RASAL2: variants seen among roughly 807,000 people sequenced by gnomAD.
The protein encoded by RASAL2 is ras GTPase-activating protein nGAP.
RASAL2 carries 58 observed loss-of-function variants against 128.9 expected under a neutral mutation model. That is an observed-to-expected ratio of 0.45 (90% CI 0.36 to 0.56). The LOEUF (loss-of-function observed/expected upper bound fraction) is 0.56. Among genes scored for constraint, RASAL2 ranks in the 20% least tolerant of loss-of-function variants. The pLI, the probability that RASAL2 is intolerant of heterozygous loss-of-function variation, is 0.00. For synonymous variants in RASAL2, 561 were observed against 580.8 expected, an observed-to-expected ratio of 0.97 and a Z score of 0.49; for missense variants, 1,360 against 1,601.6, an observed-to-expected ratio of 0.85 and a Z score of 2.57.
At chr1:178,337,220 A>G (rs1371999342) in intron 3 of RASAL2, among the ~76,000 whole-genome samples, 1 of 152,218 alleles carries the variant, frequency 6.6e-6, no homozygotes, top group Non-Finnish European at 1.5e-5. Flanking sequence ...AAACACTTGT[A>G]AGTACTTTGC....
intron 4 of RASAL2, chr1:178,411,845 A>G: frequency 1.3e-6 from 1 of 754,676 alleles, no homozygotes; most frequent in South Asian, 1.4e-5. Context: ...CTACACGTCA[A>G]ACTCTGGGCC....
intron 5 of RASAL2, among the ~76,000 whole-genome samples, chr1:178,428,056 TTA>T (rs993488629): frequency 6.6e-5 from 10 of 152,002 alleles, no homozygotes; most frequent in African/African-American, 2.4e-4. Flanking sequence ...TTTTTTTTTT[TTA>T]CACTAAACAT....
Position 178,465,828 on chromosome 1 carries a change from A to AAAG in RASAL2, c.3388-90_3388-89insGAA, listed in dbSNP as rs1558013104. On this transcript the variant is annotated intron_variant, in intron 15 of 17. Transcript: ENST00000367649. ...AAAAAAAAGAAAAAAGAAAAAGAAA[A>AAAG]AAAGAAAGAAAGAGAAAGAAAGAAA... 16 of 1,193,138 alleles carry AAAG rather than the reference A, an allele frequency of 1.3e-5. No individual in the cohort carries two copies. In the African/African-American group the frequency reaches 2.3e-4, roughly 17 times the overall value. 73.9% of individuals were successfully genotyped at this position (1,193,138 alleles called of 1,614,324 possible).
At chr1:178,295,062 T>A (rs1369314666) in intron 2 of RASAL2, among the ~76,000 whole-genome samples, 1 of 151,930 alleles carries the variant, frequency 6.6e-6, no homozygotes, top group Non-Finnish European at 1.5e-5. Context: ...TACCTCAAAG[T>A]TGTGGAAATT....
intron 1 of RASAL2, among the ~76,000 whole-genome samples, chr1:178,150,650 CTGTT>C (rs763968706): frequency 1.3e-5 from 2 of 152,092 alleles, no homozygotes; most frequent in African/African-American, 2.4e-5. Context: ...GTGGGATTAT[CTGTT>C]TGTATATTCG....
intron 1 of RASAL2, among the ~76,000 whole-genome samples, chr1:178,147,816 T>G (rs1660782899): frequency 6.6e-6 from 1 of 152,150 alleles, no homozygotes; most frequent in Non-Finnish European, 1.5e-5. Flanking sequence ...ACACCTGTAA[T>G]CCCAGCACTT....
Position 178,473,396 on chromosome 1 carries a change from C to T in RASAL2, c.*157C>T. 1.1e-6 allele frequency: 1 copy of T among 917,246 alleles called. No homozygotes were observed. Among genetic ancestry groups the T allele is most frequent in the South Asian group, 1.7e-5 (1 of 58,008 alleles). 56.8% of individuals were successfully genotyped at this position (917,246 alleles called of 1,614,324 possible). A position where few individuals can be genotyped will look rare whatever the true frequency, so the allele number is the denominator to read the frequency against. Reference sequence around the variant, plus strand: ...AAGAAAGGAACCTTGTCTTTCAGGGCATAAGGCGGCGACTTCCAAGGTCAA... The same window carrying T: ...AAGAAAGGAACCTTGTCTTTCAGGGTATAAGGCGGCGACTTCCAAGGTCAA... On this transcript the variant is annotated 3_prime_UTR_variant, in exon 18 of 18. Coordinates refer to ENST00000367649, the MANE Select transcript of RASAL2 (RefSeq NM_170692.4).
Position 178,454,719 on chromosome 1 carries a change from G to A in RASAL2, c.2211+71G>A, listed in dbSNP as rs1263846226. 24 of 1,335,198 alleles carry A rather than the reference G, an allele frequency of 1.8e-5. No homozygotes were observed. In the Middle Eastern group the frequency reaches 3.1e-3, roughly 173 times the overall value. 82.7% of individuals were successfully genotyped at this position (1,335,198 alleles called of 1,614,324 possible). On this transcript the variant is annotated intron_variant, in intron 12 of 17. Transcript: ENST00000367649. Reference sequence around the variant, plus strand: ...TCTGGAAAGTAACTATAGAGTGATAGCACTCACTCTTTCTGCTAATTGAAA... The same window carrying A: ...TCTGGAAAGTAACTATAGAGTGATAACACTCACTCTTTCTGCTAATTGAAA...
chr1:178,156,481 A>G (rs1225066805), intron 1 of RASAL2, among the ~76,000 whole-genome samples: 1 of 152,180 alleles, frequency 6.6e-6, no homozygotes, highest in African/African-American at 2.4e-5. Context: ...GGTTGTTATA[A>G]TAGTAAGTTA....
At chr1:178,245,968 A>C (rs1325556714) in intron 1 of RASAL2, among the ~76,000 whole-genome samples, 2 of 152,168 alleles carry the variant, frequency 1.3e-5, no homozygotes, top group African/African-American at 4.8e-5. Flanking sequence ...TGGTTACTGT[A>C]GCCTTGTAGT....
chr1:178,332,333 C>G (rs1669361933), intron 3 of RASAL2, among the ~76,000 whole-genome samples: 1 of 151,874 alleles, frequency 6.6e-6, no homozygotes, highest in African/African-American at 2.4e-5. Context: ...AAAACCTCGT[C>G]TCTACTAAAA....
At chr1:178,266,701 G>T (rs184601262) in intron 1 of RASAL2, among the ~76,000 whole-genome samples, 4 of 152,312 alleles carry the variant, frequency 2.6e-5, no homozygotes, top group Non-Finnish European at 4.4e-5. Flanking sequence ...GCAGAAACCA[G>T]CCAGGTATAT....
chr1:178,231,893 A>T (rs993051374), intron 1 of RASAL2, among the ~76,000 whole-genome samples: 1 of 152,194 alleles, frequency 6.6e-6, no homozygotes. Flanking sequence ...AAATATGTAG[A>T]TTTAGAGACT....
At chr1:178,355,019 G>A (rs1261291990) in intron 3 of RASAL2, among the ~76,000 whole-genome samples, 1 of 152,204 alleles carries the variant, frequency 6.6e-6, no homozygotes, top group Non-Finnish European at 1.5e-5. Flanking sequence ...AGCTACTTGG[G>A]AGACTGAAGC....
chr1:178,289,664 C>T (rs1376926182), intron 2 of RASAL2, among the ~76,000 whole-genome samples: 1 of 152,128 alleles, frequency 6.6e-6, no homozygotes, highest in Non-Finnish European at 1.5e-5. Flanking sequence ...CACATCTCCA[C>T]TTGGATATGT....
chr1:178,105,686 CTT>C (rs71108025), intron 1 of RASAL2, among the ~76,000 whole-genome samples: 15 of 140,628 alleles, frequency 1.1e-4, no homozygotes, highest in Non-Finnish European at 7.8e-5. Flanking sequence ...TTTTGGGGTT[CTT>C]TTTTTTTTTT....
chr1:178,268,275 C>T (rs1666075026), intron 1 of RASAL2, among the ~76,000 whole-genome samples: 1 of 152,096 alleles, frequency 6.6e-6, no homozygotes, highest in African/African-American at 2.4e-5. Context: ...GGAGACCATC[C>T]TGGCCAACAT....
At chr1:178,375,192 T>C (rs1290765152) in intron 3 of RASAL2, among the ~76,000 whole-genome samples, 2 of 152,116 alleles carry the variant, frequency 1.3e-5, no homozygotes, top group Non-Finnish European at 2.9e-5. Context: ...GGGTTTTCTG[T>C]ATGAAAGCAG....
chr1:178,307,647 A>G (rs953699492), intron 3 of RASAL2, among the ~76,000 whole-genome samples: 9 of 152,218 alleles, frequency 5.9e-5, no homozygotes, highest in Non-Finnish European at 1.0e-4. Flanking sequence ...AGAAGGGGGA[A>G]AAGTGAAAGC....
Sources: gnomAD v4.1 joint callset for allele counts (sites outside exome capture counted in the v4.1 genomes callset) on GRCh38, gnomAD v4.1.1 for gene constraint, MANE v1.5 for transcripts, NCBI Gene and HGNC (gene_info 2026-07-23, HGNC 2026-07-21) for gene names.